Variants in LGSN observed in about 807,000 individuals in gnomAD.
LGSN encodes lengsin.
A neutral mutation model predicts 19.5 loss-of-function variants in LGSN; 21 were observed. The observed-to-expected ratio is 1.07, with a 90% CI of 0.76 to 1.55. LGSN has a LOEUF of 1.55. Ranked by LOEUF, LGSN falls within the 40% of genes most tolerant of loss-of-function variation. The pLI is 0.00. For missense variants in LGSN, 673 were observed against 608.5 expected (o/e 1.11, Z -1.12); for synonymous variants, 257 against 215.6 (o/e 1.19, Z -1.68).
chr6:63,567,419 CA>C, the LGSN span, among the ~76,000 whole-genome samples: 1 of 152,224 alleles, frequency 6.6e-6, no homozygotes, highest in Non-Finnish European at 1.5e-5. Flanking sequence ...ACATCTCCAT[CA>C]GAGCATTTCA....
intron 3 of LGSN, among the ~76,000 whole-genome samples, chr6:63,282,478 G>A (rs903509034): frequency 1.7e-4 from 26 of 152,188 alleles, no homozygotes; most frequent in African/African-American, 5.1e-4. Context: ...TTTCTGCTTC[G>A]TATATGGCTT....
the LGSN span, among the ~76,000 whole-genome samples, chr6:63,427,614 A>C: frequency 6.6e-6 from 1 of 152,204 alleles, no homozygotes; most frequent in African/African-American, 2.4e-5. Flanking sequence ...TTGCCAGTCA[A>C]ATCAGTTCTC....
chr6:63,525,992 G>A, the LGSN span, among the ~76,000 whole-genome samples: 12 of 152,154 alleles, frequency 7.9e-5, no homozygotes, highest in African/African-American at 4.8e-5. Context: ...ATACAAAAGA[G>A]TGGTGCCAGG....
At chr6:63,428,145 C>T in the LGSN span, among the ~76,000 whole-genome samples, 1 of 152,096 alleles carries the variant, frequency 6.6e-6, no homozygotes, top group Non-Finnish European at 1.5e-5. Context: ...CCAAACACTA[C>T]TATTAATAAC....
At chr6:63,333,590 G>A in the LGSN span, among the ~76,000 whole-genome samples, 1 of 130,580 alleles carries the variant, frequency 7.7e-6, no homozygotes, top group Admixed American at 8.3e-5. Flanking sequence ...AAGGAAGGAA[G>A]GAAGGGGGGA....
rs781679034 is a variant in LGSN at position 63,280,525 on chromosome 6, T to C, written c.1026A>G (p.Lys342=). 2 of 1,613,998 alleles carry C rather than the reference T, an allele frequency of 1.2e-6. No homozygotes were observed. The highest frequency in any genetic ancestry group is 2.7e-5 in the African/African-American group (2 of 74,936). ...SGTEQLTITG[K]KWLAGLLKHS... is the part of the protein sequence containing the mutation. ...GCTTCAAGAGTCCTGCCAACCATTT[T>C]TTCCCAGTGATCGTGAGCTGCTCAG... Residue 342 remains lysine (K), a synonymous_variant, in exon 4 of 4, where the codon AAA becomes AAG. Coordinates refer to ENST00000370657, the MANE Select transcript of LGSN (RefSeq NM_016571.3).
chr6:63,547,212 T>C, the LGSN span, among the ~76,000 whole-genome samples: 9 of 146,068 alleles, frequency 6.2e-5, no homozygotes, highest in African/African-American at 1.8e-4. Context: ...TTTTTTGAGA[T>C]GGAGTCTTGT....
intron 2 of LGSN, among the ~76,000 whole-genome samples, chr6:63,293,009 T>A (rs1198184616): frequency 6.6e-6 from 1 of 152,182 alleles, no homozygotes; most frequent in Non-Finnish European, 1.5e-5. Context: ...TTTCCTTTTT[T>A]CAGAGTGGGG....
chr6:63,572,664 G>T, the LGSN span: 1 of 410,278 alleles, frequency 2.4e-6, no homozygotes. Flanking sequence ...TGTCGCCGCC[G>T]CCTCGGGACC....
chr6:63,339,696 G>A, the LGSN span, among the ~76,000 whole-genome samples: 1 of 152,030 alleles, frequency 6.6e-6, no homozygotes, highest in African/African-American at 2.4e-5. Context: ...ATCAATAGGT[G>A]AGGACTTGCT....
intron 2 of LGSN, among the ~76,000 whole-genome samples, chr6:63,292,245 G>A (rs1224927425): frequency 6.6e-6 from 1 of 152,184 alleles, no homozygotes; most frequent in African/African-American, 2.4e-5. Context: ...AACCAGATGA[G>A]CCAACCTAGA....
the LGSN span, among the ~76,000 whole-genome samples, chr6:63,517,465 A>G: frequency 1.3e-5 from 2 of 152,234 alleles, no homozygotes; most frequent in Admixed American, 6.5e-5. Flanking sequence ...AAATAAAGGT[A>G]TGCACACATG....
At chr6:63,339,554 G>C in the LGSN span, among the ~76,000 whole-genome samples, 1 of 151,968 alleles carries the variant, frequency 6.6e-6, no homozygotes, top group Non-Finnish European at 1.5e-5. Context: ...CGCTTTCAGT[G>C]TATGTGTGTC....
At chr6:63,420,538 G>C in the LGSN span, among the ~76,000 whole-genome samples, 1 of 152,210 alleles carries the variant, frequency 6.6e-6, no homozygotes, top group Non-Finnish European at 1.5e-5. Flanking sequence ...CCTCTGATAG[G>C]TACTAATACT....
chr6:63,306,534 G>A (rs1386737179), intron 1 of LGSN, among the ~76,000 whole-genome samples: 1 of 152,048 alleles, frequency 6.6e-6, no homozygotes, highest in Non-Finnish European at 1.5e-5. Flanking sequence ...CTATGGATAA[G>A]GCAAAATCAA....
chr6:63,427,507 A>T, the LGSN span, among the ~76,000 whole-genome samples: 1 of 152,192 alleles, frequency 6.6e-6, no homozygotes, highest in African/African-American at 2.4e-5. Flanking sequence ...CTGCCCTCAC[A>T]ATATAAAGTG....
the LGSN span, among the ~76,000 whole-genome samples, chr6:63,347,547 T>A: frequency 1.3e-5 from 2 of 152,236 alleles, no homozygotes; most frequent in African/African-American, 4.8e-5. Context: ...ATTCCATCAG[T>A]TCATTCACTC....
rs774869586 is a variant in LGSN, at chr6:63,281,014, A to G, written c.537T>C (p.Pro179=). The G allele has an allele frequency of 8.1e-6, 13 of 1,614,096 alleles. No individual in the cohort carries two copies. The highest frequency in any genetic ancestry group is 2.2e-5 in the East Asian group (1 of 44,874). ...ICDTFTVTGE[P]LLTSPRYIAK... Reference sequence around the variant, plus strand: ...CAATGTACCTTGGGGAAGTCAAAAGAGGCTCACCAGTCACAGTGAAGGTAT... The same window carrying G: ...CAATGTACCTTGGGGAAGTCAAAAGGGGCTCACCAGTCACAGTGAAGGTAT... Residue 179 remains proline, a synonymous_variant, in exon 4 of 4, where the codon CCT becomes CCC. Coordinates refer to ENST00000370657, the MANE Select transcript of LGSN (RefSeq NM_016571.3).
chr6:63,486,385 C>T, the LGSN span, among the ~76,000 whole-genome samples: 1 of 152,178 alleles, frequency 6.6e-6, no homozygotes, highest in Non-Finnish European at 1.5e-5. Flanking sequence ...AGTCACACGA[C>T]AGCTGCTAGG....
Sources: gnomAD v4.1 joint callset for allele counts (sites outside exome capture counted in the v4.1 genomes callset) on GRCh38, gnomAD v4.1.1 for gene constraint, MANE v1.5 for transcripts, NCBI Gene and HGNC (gene_info 2026-07-23, HGNC 2026-07-21) for gene names.